The following PPP2R3B variants were observed in gnomAD, a reference collection of about 807,000 sequenced individuals.
PPP2R3B encodes the protein serine/threonine-protein phosphatase 2A regulatory subunit B'' subunit beta.
PPP2R3B carries 68 observed loss-of-function variants against 72.9 expected under a neutral mutation model. That is an observed-to-expected ratio of 0.93 (90% confidence interval 0.77 to 1.14). PPP2R3B has a LOEUF of 1.14. PPP2R3B is among the 50% of genes most tolerant of loss of function. PPP2R3B has a pLI of 0.00. For synonymous variants in PPP2R3B, 466 were observed against 375.8 expected (o/e 1.24, Z -2.78); for missense variants, 1,018 against 842.0 (o/e 1.21, Z -2.59).
chrX:373,696 C>T (rs188005085), intron 1 of PPP2R3B: 4,245 of 162,712 alleles, frequency 0.026, 208 homozygotes, highest in African/African-American at 0.098. Flanking sequence ...CCGGGCCGGG[C>T]GCCGCGCTCT....
At chrX:341,783 C>T in intron 8 of PPP2R3B, 100 bp downstream of exon 8, 3 of 1,302,352 alleles carry the variant, frequency 2.3e-6, no homozygotes, top group Non-Finnish European at 3.3e-6. Context: ...CAACCACTCG[C>T]TGTCGGGGCA....
chrX:341,109 G>A (rs2071059310), intron 9 of PPP2R3B, 169 bp from the exon 10 acceptor site: 1 of 593,086 alleles, frequency 1.7e-6, no homozygotes, highest in Non-Finnish European at 2.1e-6. Context: ...GGGCGCGCAC[G>A]CGTCCCCCTG....
intron 2 of PPP2R3B, 102 bp downstream of exon 2, chrX:361,301 TCA>T: frequency 5.7e-6 from 2 of 353,116 alleles, no homozygotes; most frequent in Non-Finnish European, 9.2e-6. Flanking sequence ...CCGTGCCGCC[TCA>T]CTCACGCTCG....
chrX:334,622 A>G, intron 12 of PPP2R3B, 105 bp from the exon 13 acceptor site: 5 of 1,282,964 alleles, frequency 3.9e-6, no homozygotes, highest in Non-Finnish European at 5.0e-6. Context: ...AGCACGAGAC[A>G]GTCCCCTGAG....
chrX:336,176 TAATAA>T (rs1407215660), intron 12 of PPP2R3B: 4 of 151,788 alleles, frequency 2.6e-5, no homozygotes, highest in African/African-American at 9.7e-5. Flanking sequence ...TCCAAAAAAA[TAATAA>T]AATACTACAG....
Position 347,642 on chromosome X carries a change from C to T in PPP2R3B, c.562G>A (p.Gly188Arg), listed in dbSNP as rs2071250443. 12 of 1,575,826 alleles carry T rather than the reference C, an allele frequency of 7.6e-6. No individual in the cohort carries two copies. Among genetic ancestry groups the T allele is most frequent in the South Asian group, 2.3e-5 (2 of 86,828 alleles). ...ACGGACACGGAGCCCGTGCGCTCCC[C>T]GCCGGCGCCATAGAAGAGCGGCCCC... ...WKGPLFYGAG[G>R]ERTGSVSVHK... The change falls in exon 3 of 13, where the codon GGG (glycine) becomes AGG (arginine). Residue 188 changes from glycine (G) to arginine (R), a missense_variant. By Grantham distance (125) the Gly-to-Arg change is moderately radical. Coordinates refer to ENST00000390665, the MANE Select transcript of PPP2R3B (RefSeq NM_013239.5).
chrX:342,813 G>A (rs1489411584), intron 7 of PPP2R3B, among the ~76,000 whole-genome samples: 3 of 34,016 alleles, frequency 8.8e-5, no homozygotes, highest in South Asian at 2.0e-3. Flanking sequence ...GAGGCGGGAG[G>A]GAGACCTCAG....
At chrX:340,980 C>T (rs765697093) in intron 9 of PPP2R3B, 40 bp from the exon 10 acceptor site, 1 of 1,594,586 alleles carries the variant, frequency 6.3e-7, no homozygotes, top group Non-Finnish European at 8.5e-7. Context: ...GCCCTGGGCC[C>T]TCCCAGCCCG....
At chrX:342,368 C>T (rs777624653) in intron 7 of PPP2R3B, 1 of 125,290 alleles carries the variant, frequency 8.0e-6, no homozygotes, top group Non-Finnish European at 1.6e-5. Flanking sequence ...ACCTCAGCAA[C>T]GGGAGGCGGG....
chrX:369,731 C>T (rs117606562), intron 1 of PPP2R3B, among the ~76,000 whole-genome samples: 9,228 of 152,276 alleles, frequency 0.061, 325 homozygotes, highest in Admixed American at 0.086. Flanking sequence ...CTCGCCCCCA[C>T]GGCAGCAGGA....
At position 346,692 on chromosome X, in the gene PPP2R3B, G is replaced by A. The variant is rs766574206; in HGVS notation, c.792+9C>T. 1.1e-5 allele frequency: 17 copies of A among 1,604,610 alleles called. No homozygotes were observed. The highest frequency in any genetic ancestry group is 2.1e-4 in the Middle Eastern group (1 of 4,670). ...GCTGGAACCGACGGCCCCTCCGCTG[G>A]GGACCCACCGTGGTGATGTAGCGCG... On this transcript the variant is annotated intron_variant, in intron 5 of 12. Transcript: ENST00000390665.
At chrX:348,581 A>AAAAAAAAGAAAAAAAAAAAAAAAAAAG (rs111787156) in intron 2 of PPP2R3B, among the ~76,000 whole-genome samples, 1 of 144,380 alleles carries the variant, frequency 6.9e-6, no homozygotes, top group African/African-American at 2.6e-5. Flanking sequence ...GTCTCAAAAA[A>AAAAAAAAGAAAAAAAAAAAAAAAAAAG]AGAGCAAATA....
chrX:341,648 A>AACCCCCGACCTGGGGCCTGGGCC, intron 8 of PPP2R3B: 1 of 646,426 alleles, frequency 1.5e-6, no homozygotes, highest in South Asian at 1.9e-5. Context: ...GCCCGACAAG[A>AACCCCCGACCTGGGGCCTGGGCC]ACCCCCGACC....
At chrX:352,353 C>T (rs1219526377) in intron 2 of PPP2R3B, among the ~76,000 whole-genome samples, 1 of 152,272 alleles carries the variant, frequency 6.6e-6, no homozygotes, top group Non-Finnish European at 1.5e-5. Flanking sequence ...CCAGCCCTGA[C>T]AGTCCCTTCG....
chrX:363,362 T>TCCCACAATGCATCTCC (rs2071589301), intron 1 of PPP2R3B, among the ~76,000 whole-genome samples: 6 of 75,794 alleles, frequency 7.9e-5, no homozygotes, highest in African/African-American at 3.0e-4. Flanking sequence ...AGTGCATCTC[T>TCCCACAATGCATCTCC]CCGAGCCCAC....
intron 2 of PPP2R3B, among the ~76,000 whole-genome samples, chrX:349,473 A>G (rs2738346): frequency 0.37 from 55,928 of 152,078 alleles, 11,173 homozygotes; most frequent in South Asian, 0.5. Context: ...TGTGCTGGGA[A>G]CAAGAGGACA....
At chrX:340,962 C>T (rs1357650822) in intron 9 of PPP2R3B, 22 bp from the exon 10 acceptor site, 2 of 1,604,436 alleles carry the variant, frequency 1.2e-6, no homozygotes, top group Non-Finnish European at 8.5e-7. Context: ...CGAGCTCTGT[C>T]AGCCCCTGCC....
chrX:340,549 C>T (rs1236504181), intron 10 of PPP2R3B, among the ~76,000 whole-genome samples: 1 of 126,838 alleles, frequency 7.9e-6, no homozygotes, highest in Non-Finnish European at 1.6e-5. Flanking sequence ...CACCCTGGGC[C>T]GTCCCCCCTC....
At chrX:353,808 ACCCAAGGAGCAG>A (rs2071378355) in intron 2 of PPP2R3B, among the ~76,000 whole-genome samples, 1 of 147,722 alleles carries the variant, frequency 6.8e-6, no homozygotes, top group Non-Finnish European at 1.5e-5. Context: ...ACTGGGGCTC[ACCCAAGGAGCAG>A]GGGCTCGCCC....
Sources: allele counts gnomAD v4.1 joint callset (sites outside exome capture counted in the v4.1 genomes callset), GRCh38; gene constraint gnomAD v4.1.1; transcripts MANE v1.5; gene names NCBI Gene and HGNC (gene_info 2026-07-23, HGNC 2026-07-21).